ARHGEF17: variants seen among roughly 807,000 people sequenced by gnomAD.
ARHGEF17 encodes 164 kDa Rho-specific guanine-nucleotide exchange factor.
Under a neutral mutation model 174.0 loss-of-function variants are expected in ARHGEF17, and 80 were observed. The ratio of observed to expected loss-of-function variants is 0.46; its 90% CI spans 0.38 to 0.55. ARHGEF17 has a LOEUF of 0.55. Ranked by LOEUF, ARHGEF17 falls within the 20% of genes least tolerant of loss-of-function variation. The pLI is 0.00. For synonymous variants in ARHGEF17, 1,311 were observed against 1,189.1 expected (o/e 1.10, Z -2.11); for missense variants, 2,886 against 2,839.7 (o/e 1.02, Z -0.37).
At chr11:73,319,156 CG>C (rs1211698476) in intron 1 of ARHGEF17, among the ~76,000 whole-genome samples, 23 of 151,974 alleles carry the variant, frequency 1.5e-4, no homozygotes, top group Admixed American at 1.1e-3. Flanking sequence ...CTCCACTTCC[CG>C]GGTTCAAGCA....
chr11:73,356,044 C>T (rs892849091), intron 5 of ARHGEF17, 91 bp downstream of exon 5: 49 of 1,574,590 alleles, frequency 3.1e-5, no homozygotes, highest in Non-Finnish European at 4.1e-5. Flanking sequence ...TTGAGCCTGA[C>T]ATCAGGGTCC....
chr11:73,309,628 A>G lies in ARHGEF17; in HGVS notation c.990A>G (p.Pro330=). The G allele has an allele frequency of 6.2e-7, 1 of 1,613,060 alleles. No individual in the cohort carries two copies. ...GGGTTTCTGGGAGCCCTGAGCCCCC[A>G]ACATCTCCAAGAGCCCCTAGAGAAG... The part of the protein sequence containing the change: ...SAGVSGSPEP[P]TSPRAPREEG... The change falls in exon 1 of 21, where the codon CCA becomes CCG. Residue 330 remains proline (P), a synonymous_variant. Transcript: ENST00000263674.
At chr11:73,324,628 A>C (rs1865072244) in intron 1 of ARHGEF17, among the ~76,000 whole-genome samples, 2 of 152,238 alleles carry the variant, frequency 1.3e-5, no homozygotes, top group Admixed American at 6.5e-5. Context: ...AAACCAGGAT[A>C]GTCTCACTGG....
At position 73,360,302 on chromosome 11, in the gene ARHGEF17, G is replaced by A; in HGVS notation, c.4207-18G>A. 1 of 1,612,524 alleles carries A rather than the reference G, an allele frequency of 6.2e-7. No individual in the cohort carries two copies. Among genetic ancestry groups the A allele is most frequent in the South Asian group, 1.1e-5 (1 of 91,044 alleles). ...GGTGAGATGCTGGGGCCTGAGGCCTGGGCCCTCTTCCCCACAGAGCCTGGA... is the reference window on the plus strand; with the variant it reads ...GGTGAGATGCTGGGGCCTGAGGCCTAGGCCCTCTTCCCCACAGAGCCTGGA... On this transcript the variant is annotated intron_variant, in intron 10 of 20. Coordinates refer to ENST00000263674, the MANE Select transcript of ARHGEF17 (RefSeq NM_014786.4).
chr11:73,352,471 G>A (rs1164253224), intron 2 of ARHGEF17, among the ~76,000 whole-genome samples: 1 of 152,240 alleles, frequency 6.6e-6, no homozygotes, highest in Non-Finnish European at 1.5e-5. Flanking sequence ...TCTTAGAACA[G>A]TGCCTGGTAC....
At chr11:73,364,840 C>T (rs1865809727) in intron 18 of ARHGEF17, 2 of 505,066 alleles carry the variant, frequency 4.0e-6, no homozygotes, top group Admixed American at 3.9e-5. Flanking sequence ...CTCCTGCCCA[C>T]CCTATCTCTC....
Position 73,309,878 on chromosome 11 carries a change from G to C in ARHGEF17, c.1240G>C (p.Gly414Arg). 6.2e-7 allele frequency: 1 copy of C among 1,613,118 alleles called. No homozygotes were observed. Among genetic ancestry groups the C allele is most frequent in the Non-Finnish European group, 8.5e-7 (1 of 1,179,890 alleles). ...GTCTAGTAGGGGTTCTGGGGGCTGG[G>C]GCGTGTACCGCTCCCCTAGCTTTGG... Reference protein sequence around the residue: ...LWSSRGSGGWGVYRSPSFGAG... With the variant: ...LWSSRGSGGWRVYRSPSFGAG... The change falls in exon 1 of 21, where the codon GGC (glycine) becomes CGC (arginine). Residue 414 changes from glycine to arginine, a missense_variant. By Grantham distance (125) the Gly-to-Arg change is moderately radical. Coordinates refer to ENST00000263674, the MANE Select transcript of ARHGEF17 (RefSeq NM_014786.4).
chr11:73,356,862 G>C, intron 7 of ARHGEF17, 103 bp downstream of exon 7: 3 of 1,566,060 alleles, frequency 1.9e-6, no homozygotes, highest in Non-Finnish European at 1.8e-6. Context: ...CTTTCACCCC[G>C]AGGGGAGCCC....
intron 1 of ARHGEF17, among the ~76,000 whole-genome samples, chr11:73,339,945 T>C (rs1344701510): frequency 6.6e-6 from 1 of 152,100 alleles, no homozygotes; most frequent in Non-Finnish European, 1.5e-5. Context: ...CAAAAACTCT[T>C]CTGAGCCACA....
At chr11:73,343,170 C>T in intron 1 of ARHGEF17, 1 of 397,654 alleles carries the variant, frequency 2.5e-6, no homozygotes. Context: ...GACCCTGGCC[C>T]AGTTCACCAT....
intron 8 of ARHGEF17, 39 bp from the exon 9 acceptor site, chr11:73,357,203 C>T (rs1266431159): frequency 6.2e-7 from 1 of 1,613,160 alleles, no homozygotes; most frequent in Non-Finnish European, 8.5e-7. Context: ...GAGCCCCACT[C>T]CCCGACCCTG....
chr11:73,329,643 G>A (rs969092043), intron 1 of ARHGEF17, among the ~76,000 whole-genome samples: 6 of 151,660 alleles, frequency 4.0e-5, no homozygotes, highest in East Asian at 1.9e-4. Flanking sequence ...CAGGCGATCC[G>A]CCTGCCTCAG....
rs1865866047 is a variant in ARHGEF17 at position 73,367,755 on chromosome 11, A to T, written c.6167A>T (p.Asn2056Ile). Residue 2056 changes from asparagine to isoleucine, a missense_variant, in exon 21 of 21, where the codon AAC (asparagine) becomes ATC (isoleucine). By Grantham distance (149) the Asn-to-Ile change is moderately radical. Around this residue, in one of 4 missense-constraint regions of ARHGEF17, gnomAD observed 329 missense variants for 435.2 expected, o/e 0.76. Coordinates refer to ENST00000263674, the MANE Select transcript of ARHGEF17 (RefSeq NM_014786.4). ...SETVGRDDST[N>I]HLLLWRV ...ACTGTGGGTCGAGACGACAGCACAA[A>T]CCACCTCCTCCTGTGGAGGGTGTGA... 2 of 1,613,534 alleles carry T rather than the reference A, an allele frequency of 1.2e-6. No individual in the cohort carries two copies. Among genetic ancestry groups the T allele is most frequent in the Non-Finnish European group, 1.7e-6 (2 of 1,179,818 alleles).
Position 73,364,070 on chromosome 11 carries a change from C to A in ARHGEF17, c.5334-102C>A, listed in dbSNP as rs1172787225. The A allele has an allele frequency of 3.2e-6, 4 of 1,266,118 alleles. No homozygotes were observed. In the African/African-American group the frequency reaches 4.4e-5, roughly 14 times the overall value. 78.4% of individuals were successfully genotyped at this position (1,266,118 alleles called of 1,614,324 possible). On this transcript the variant is annotated intron_variant, in intron 16 of 20. Coordinates refer to ENST00000263674, the MANE Select transcript of ARHGEF17 (RefSeq NM_014786.4). Reference sequence around the variant, plus strand: ...GAGAACAAGGGGTGGGAAGAGGTGGCCTCTCGGGAGCCATACCCATTCTAT... The same window carrying A: ...GAGAACAAGGGGTGGGAAGAGGTGGACTCTCGGGAGCCATACCCATTCTAT...
Position 73,356,195 on chromosome 11 carries a change from T to G in ARHGEF17, c.3684T>G (p.Pro1228=), listed in dbSNP as rs1264849184. The change falls in exon 6 of 21, where the codon CCT becomes CCG. Residue 1228 remains proline, a synonymous_variant. Coordinates refer to ENST00000263674, the MANE Select transcript of ARHGEF17 (RefSeq NM_014786.4). ...CCCAGGACCTCCTGAAGCATACACCTGAGGACCACCCGGACCATCCACTCC... is the reference window on the plus strand; with the variant it reads ...CCCAGGACCTCCTGAAGCATACACCGGAGGACCACCCGGACCATCCACTCC... ...LLVKDLLKHT[P]EDHPDHPLLL... is the part of the protein sequence containing the mutation. The G allele has an allele frequency of 2.5e-6, 4 of 1,613,804 alleles. No homozygotes were observed. Among genetic ancestry groups the G allele is most frequent in the Admixed American group, 3.3e-5 (2 of 60,016 alleles).
chr11:73,356,113 C>T (rs1349446969), intron 5 of ARHGEF17, 62 bp from the exon 6 acceptor site: 3 of 1,596,382 alleles, frequency 1.9e-6, no homozygotes, highest in African/African-American at 2.7e-5. Flanking sequence ...CCCTCCTGCT[C>T]CAGCAGTCTG....
rs1287880490 is a variant in ARHGEF17 at position 73,310,740 on chromosome 11, C to T, written c.2102C>T (p.Pro701Leu). Residue 701 changes from proline (P) to leucine (L), a missense_variant, in exon 1 of 21, where the codon CCC (proline) becomes CTC (leucine). Around this residue, in one of 4 missense-constraint regions of ARHGEF17, gnomAD observed 1,728 missense variants for 1,461.2 expected, o/e 1.18. Transcript: ENST00000263674. ...GWALVSPETP[P>L]TPGALRRRRK... The stretch of plus-strand genomic sequence containing the variant: ...GCCCTGGTGTCGCCTGAGACCCCTC[C>T]CACACCAGGTGCCCTCCGCCGACGA... The T allele has an allele frequency of 1.2e-6, 2 of 1,611,616 alleles. No homozygotes were observed. The highest frequency in any genetic ancestry group is 1.3e-5 in the African/African-American group (1 of 75,014).
At chr11:73,320,593 C>T (rs955249490) in intron 1 of ARHGEF17, among the ~76,000 whole-genome samples, 3 of 137,932 alleles carry the variant, frequency 2.2e-5, no homozygotes, top group African/African-American at 8.5e-5. Flanking sequence ...CTGCACTCCA[C>T]ACTCCAGCCT....
intron 12 of ARHGEF17, 137 bp from the exon 13 acceptor site, chr11:73,361,903 A>G: frequency 1.0e-6 from 1 of 953,792 alleles, no homozygotes; most frequent in South Asian, 1.7e-5. Context: ...GCGTGTGTAG[A>G]AGGGTGTATA....
Sources: gnomAD v4.1 joint callset for allele counts (sites outside exome capture counted in the v4.1 genomes callset) on GRCh38, gnomAD v4.1.1 for gene constraint, gnomAD v4.1.1 regional missense constraint, MANE v1.5 for transcripts, NCBI Gene and HGNC (gene_info 2026-07-23, HGNC 2026-07-21) for gene names.